The following KCNMA1 variants were observed in gnomAD, a reference collection of about 807,000 sequenced individuals.
KCNMA1 encodes potassium calcium-activated channel subfamily M alpha 1.
In KCNMA1, 29 loss-of-function variants were observed where a neutral mutation model predicts 140.0. That is an observed-to-expected ratio of 0.21 (90% CI 0.15 to 0.28). The LOEUF (loss-of-function observed/expected upper bound fraction) is 0.28, where lower values mean the gene tolerates loss of function less well. Ranked by LOEUF, KCNMA1 falls within the 10% of genes least tolerant of loss-of-function variation. KCNMA1 has a pLI of 1.00. For missense variants in KCNMA1, 880 were observed against 1,602.2 expected, an observed-to-expected ratio of 0.55 and a Z score of 7.70; for synonymous variants, 612 against 611.9, an observed-to-expected ratio of 1.00 and a Z score of 0.00.
At chr10:77,097,173 G>C (rs2096954913) in intron 9 of KCNMA1, among the ~76,000 whole-genome samples, 1 of 152,178 alleles carries the variant, frequency 6.6e-6, no homozygotes, top group African/African-American at 2.4e-5. Context: ...TCTTAATGCA[G>C]GTTTCCCTGA....
intron 1 of KCNMA1, among the ~76,000 whole-genome samples, chr10:77,586,078 C>T (rs767485014): frequency 6.6e-6 from 1 of 152,164 alleles, no homozygotes; most frequent in Non-Finnish European, 1.5e-5. Context: ...TTTCTGTTCC[C>T]GGTATATAAT....
chr10:77,395,308 C>CT, intron 2 of KCNMA1, among the ~76,000 whole-genome samples: 1 of 152,046 alleles, frequency 6.6e-6, no homozygotes, highest in Non-Finnish European at 1.5e-5. Flanking sequence ...TATGATTGCA[C>CT]CAATGCACTC....
At chr10:77,159,988 T>C (rs7905555) in intron 5 of KCNMA1, among the ~76,000 whole-genome samples, 19,050 of 152,280 alleles carry the variant, frequency 0.13, 1,477 homozygotes, top group Middle Eastern at 0.2. Context: ...TGGGAATGTC[T>C]GTTGAATGAA....
intron 1 of KCNMA1, among the ~76,000 whole-genome samples, chr10:77,480,376 T>G (rs2154531313): frequency 6.6e-6 from 1 of 152,266 alleles, no homozygotes; most frequent in African/African-American, 2.4e-5. Context: ...ATCCCAGTCA[T>G]AAAACCCTGG....
intron 2 of KCNMA1, among the ~76,000 whole-genome samples, chr10:77,352,109 T>C (rs534838359): frequency 5.9e-5 from 9 of 152,330 alleles, no homozygotes; most frequent in African/African-American, 2.2e-4. Flanking sequence ...CAGCCACAAA[T>C]GGGCTAAAAC....
At chr10:77,086,661 T>C (rs1354646726) in intron 10 of KCNMA1, 68 bp from the exon 11 acceptor site, 2 of 1,089,942 alleles carry the variant, frequency 1.8e-6, no homozygotes, top group Non-Finnish European at 2.8e-6. Context: ...CATGGGCTCC[T>C]TCCTCTCTAA....
Position 77,200,867 on chromosome 10 carries a change from T to G in KCNMA1, c.603-15951A>C, listed in dbSNP as rs1280867859. On this transcript the variant is annotated intron_variant, in intron 3 of 27. Coordinates refer to ENST00000286628, the MANE Select transcript of KCNMA1 (RefSeq NM_001161352.2). ...ACCCAGGCACATAGAAAAATTACAG[T>G]GAACACTTCTGCTGCATCCACTATT... Among the ~76,000 whole-genome samples, 3 of 152,180 alleles carry G rather than the reference T, an allele frequency of 2.0e-5. No individual in the cohort carries two copies. The East Asian group carries it at 5.8e-4, about 29-fold the overall frequency.
intron 1 of KCNMA1, among the ~76,000 whole-genome samples, chr10:77,467,168 T>C: frequency 6.6e-6 from 1 of 152,154 alleles, no homozygotes; most frequent in East Asian, 1.9e-4. Context: ...CCTTATAGAT[T>C]CACCAGTTTT....
At chr10:77,324,959 CTCTCTCTCTCTCTGTG>C (rs1189624162) in intron 2 of KCNMA1, among the ~76,000 whole-genome samples, 9 of 121,386 alleles carry the variant, frequency 7.4e-5, no homozygotes, top group African/African-American at 2.6e-4. Context: ...CTCTCTCTCT[CTCTCTCTCTCTCTGTG>C]TGTGTGTGTG....
chr10:77,099,200 G>A (rs1431452401), intron 9 of KCNMA1, among the ~76,000 whole-genome samples: 2 of 151,972 alleles, frequency 1.3e-5, no homozygotes, highest in African/African-American at 4.8e-5. Flanking sequence ...TTTTGCCCAG[G>A]AGAGGGTTTT....
chr10:77,129,216 C>A (rs957867855), intron 5 of KCNMA1, among the ~76,000 whole-genome samples: 10 of 152,034 alleles, frequency 6.6e-5, no homozygotes, highest in African/African-American at 2.4e-4. Flanking sequence ...AACAGTGCAC[C>A]AAAAGGACCA....
chr10:77,560,574 G>A (rs2066031979), intron 1 of KCNMA1, among the ~76,000 whole-genome samples: 1 of 152,232 alleles, frequency 6.6e-6, no homozygotes, highest in Non-Finnish European at 1.5e-5. Context: ...CTTCTAAGCA[G>A]CTCTGGCTCT....
intron 1 of KCNMA1, among the ~76,000 whole-genome samples, chr10:77,616,487 G>GT (rs1448450769): frequency 2.0e-5 from 3 of 152,208 alleles, no homozygotes; most frequent in Admixed American, 6.5e-5. Context: ...AGGATAATGT[G>GT]GGGTGACATC....
At chr10:76,878,752 A>G (rs2033246683) in intron 29 of KCNMA1, among the ~76,000 whole-genome samples, 1 of 152,084 alleles carries the variant, frequency 6.6e-6, no homozygotes, top group Non-Finnish European at 1.5e-5. Context: ...TGAGAATGAA[A>G]ATGGTCTAGC....
intron 1 of KCNMA1, among the ~76,000 whole-genome samples, chr10:77,477,498 A>G (rs984934788): frequency 3.9e-5 from 6 of 152,196 alleles, no homozygotes; most frequent in Admixed American, 1.3e-4. Flanking sequence ...TCCAGGAGCA[A>G]ATGAACCCCA....
intron 1 of KCNMA1, among the ~76,000 whole-genome samples, chr10:77,405,158 C>G (rs1414426417): frequency 6.6e-6 from 1 of 152,204 alleles, no homozygotes; most frequent in Non-Finnish European, 1.5e-5. Flanking sequence ...ATACTCTTCT[C>G]CCACAGAGAC....
intron 1 of KCNMA1, among the ~76,000 whole-genome samples, chr10:77,631,281 G>A (rs367904174): frequency 2.0e-5 from 3 of 152,114 alleles, no homozygotes; most frequent in African/African-American, 4.8e-5. Context: ...TGCCTAATGC[G>A]TGGGGTTCCA....
At chr10:77,617,168 A>C (rs1194717759) in intron 1 of KCNMA1, among the ~76,000 whole-genome samples, 1 of 152,212 alleles carries the variant, frequency 6.6e-6, no homozygotes, top group Non-Finnish European at 1.5e-5. Context: ...ATAAAATTGG[A>C]CATGGGTAGA....
At chr10:76,880,764 G>A (rs539293642), downstream of KCNMA1, among the ~76,000 whole-genome samples, 9 of 152,170 alleles carry the variant, frequency 5.9e-5, no homozygotes, top group Non-Finnish European at 1.3e-4. Flanking sequence ...CAGCTCTAAT[G>A]AATGCTGCCA....
Sources: gnomAD v4.1 joint callset for allele counts (sites outside exome capture counted in the v4.1 genomes callset) on GRCh38, gnomAD v4.1.1 for gene constraint, MANE v1.5 for transcripts, NCBI Gene and HGNC (gene_info 2026-07-23, HGNC 2026-07-21) for gene names.